The following HMCN1 variants were observed in gnomAD, a reference collection of about 807,000 sequenced individuals.
HMCN1 encodes hemicentin-1.
A neutral mutation model predicts 625.9 loss-of-function variants in HMCN1; 321 were observed. That is an observed-to-expected ratio of 0.51 (90% CI 0.47 to 0.56). The LOEUF is 0.56. Among genes scored for constraint, HMCN1 ranks in the 20% least tolerant of loss-of-function variants. HMCN1 has a pLI of 0.00. For synonymous variants in HMCN1, 2,425 were observed against 2,417.6 expected (o/e 1.00, Z -0.09); for missense variants, 6,588 against 6,887.3 (o/e 0.96, Z 1.54).
At chr1:186,069,553 C>T (rs1658356353) in intron 50 of HMCN1, 110 bp from the exon 51 acceptor site, 6 of 733,578 alleles carry the variant, frequency 8.2e-6, no homozygotes. Context: ...ACAGAATTGT[C>T]ATATGTAAAA....
chr1:186,086,911 C>G (rs1558211168), intron 58 of HMCN1, among the ~76,000 whole-genome samples: 1 of 152,024 alleles, frequency 6.6e-6, no homozygotes, highest in Non-Finnish European at 1.5e-5. Context: ...CCAGAAAACA[C>G]TTAATATATT....
intron 13 of HMCN1, among the ~76,000 whole-genome samples, chr1:185,965,063 T>G: frequency 6.6e-6 from 1 of 152,256 alleles, no homozygotes; most frequent in South Asian, 2.1e-4. Context: ...TGTGAGAAGT[T>G]AACTTAGCTT....
chr1:186,137,028 G>T, intron 87 of HMCN1, 91 bp downstream of exon 87: 5 of 1,442,192 alleles, frequency 3.5e-6, no homozygotes, highest in East Asian at 2.3e-5. Flanking sequence ...CAAGTCTCCT[G>T]TCACCTTAAC....
chr1:185,974,859 T>C (rs139322542), intron 15 of HMCN1, among the ~76,000 whole-genome samples: 3 of 152,290 alleles, frequency 2.0e-5, no homozygotes, highest in African/African-American at 7.2e-5. Flanking sequence ...TGACTTCTCC[T>C]GTCTTAATTG....
chr1:186,049,985 C>G (rs1344018298), intron 42 of HMCN1, among the ~76,000 whole-genome samples: 2 of 151,504 alleles, frequency 1.3e-5, no homozygotes, highest in African/African-American at 4.8e-5. Flanking sequence ...AACTTCTGTT[C>G]CTGCCTCTTT....
At chr1:185,870,096 A>G (rs1663518016) in intron 4 of HMCN1, among the ~76,000 whole-genome samples, 2 of 151,974 alleles carry the variant, frequency 1.3e-5, no homozygotes. Flanking sequence ...TTAACATAAA[A>G]GGGAAACCAA....
chr1:185,812,262 G>A (rs1659569577), intron 1 of HMCN1, among the ~76,000 whole-genome samples: 1 of 151,702 alleles, frequency 6.6e-6, no homozygotes, highest in Admixed American at 6.6e-5. Flanking sequence ...CTAAAACATT[G>A]ATTTTAGTGT....
chr1:186,045,564 A>G, intron 40 of HMCN1, 124 bp from the exon 41 acceptor site: 1 of 758,204 alleles, frequency 1.3e-6, no homozygotes, highest in Non-Finnish European at 2.3e-6. Context: ...TGATGTTAGA[A>G]TGATTGTGAT....
intron 6 of HMCN1, among the ~76,000 whole-genome samples, chr1:185,915,030 A>G (rs1666623927): frequency 3.3e-5 from 5 of 152,090 alleles, no homozygotes; most frequent in Admixed American, 2.6e-4. Flanking sequence ...ATTTAAAATG[A>G]TAAGAGAGTG....
At chr1:185,934,870 A>T (rs1667733307) in intron 11 of HMCN1, among the ~76,000 whole-genome samples, 1 of 152,182 alleles carries the variant, frequency 6.6e-6, no homozygotes, top group South Asian at 2.1e-4. Context: ...AAGCGAAACT[A>T]CCATGAGAAT....
chr1:185,823,055 G>A (rs1289101837), intron 1 of HMCN1, among the ~76,000 whole-genome samples: 1 of 151,698 alleles, frequency 6.6e-6, no homozygotes, highest in East Asian at 1.9e-4. Flanking sequence ...AGTTATATGG[G>A]ATATTTTACA....
chr1:185,879,950 G>A (rs1393074457), intron 4 of HMCN1, among the ~76,000 whole-genome samples: 1 of 152,190 alleles, frequency 6.6e-6, no homozygotes, highest in Non-Finnish European at 1.5e-5. Flanking sequence ...TGAGGAAATA[G>A]TGGTGAGGCA....
chr1:185,852,890 A>T (rs1662248830), intron 2 of HMCN1, among the ~76,000 whole-genome samples: 1 of 152,056 alleles, frequency 6.6e-6, no homozygotes, highest in Non-Finnish European at 1.5e-5. Context: ...TTCTCAATTT[A>T]TACTCACATA....
intron 28 of HMCN1, 144 bp downstream of exon 28, chr1:186,001,885 T>C (rs1303165459): frequency 2.7e-6 from 2 of 740,272 alleles, no homozygotes; most frequent in Non-Finnish European, 4.4e-6. Flanking sequence ...CCTTATTATT[T>C]GTTAACCAGA....
In HMCN1 at chr1:186,106,058, A is replaced by G. The variant is rs139029511; in HGVS notation, c.10771-826A>G. 3.0e-3 allele frequency among the ~76,000 whole-genome samples: 460 copies of G among 152,342 alleles called. 2 individuals are homozygous for G. The highest frequency in any genetic ancestry group is 3.7e-3 in the Non-Finnish European group (251 of 68,024). On this transcript the variant is annotated intron_variant, in intron 69 of 106. Transcript: ENST00000271588. ...GAAAGGAGTTTTTGCAGCCTACCAA[A>G]AAGTGTTTCCATAACCTCTAAAGTC...
rs1257296287 is a variant in HMCN1 at position 186,166,959 on chromosome 1, CT to C, written c.15574+21del. On this transcript the variant is annotated intron_variant, in intron 100 of 106. Transcript: ENST00000271588. ...GTTGTCAAGGTATAAAAATGGAGGC[CT>C]TTTCTTTATGTTCATGACAGTAAGA... The C allele has an allele frequency of 1.9e-6, 3 of 1,613,954 alleles. No individual in the cohort carries two copies. The highest frequency in any genetic ancestry group is 2.5e-6 in the Non-Finnish European group (3 of 1,179,916).
chr1:186,018,228 G>T lies in HMCN1; in HGVS notation c.5346G>T (p.Lys1782Asn), dbSNP rs755741155. ...GQLIDERDGF[K>N]ILLNGRKLVI... ...TAATTGATGAAAGGGATGGATTCAA[G>T]ATTTTATTAAATGGACGCAAACTGG... Residue 1782 changes from lysine (K) to asparagine (N), a missense_variant, in exon 34 of 107, where the codon AAG becomes AAT. Lys to Asn is a moderately conservative substitution (Grantham distance 94). Around this residue, in one of 3 missense-constraint regions of HMCN1, gnomAD observed 4,628 missense variants for 4,853.1 expected, o/e 0.95. Coordinates refer to ENST00000271588, the MANE Select transcript of HMCN1 (RefSeq NM_031935.3). 1.2e-6 allele frequency: 2 copies of T among 1,612,858 alleles called. No individual in the cohort carries two copies. Among genetic ancestry groups the T allele is most frequent in the Non-Finnish European group, 1.7e-6 (2 of 1,179,102 alleles).
At chr1:185,923,306 T>C in intron 7 of HMCN1, 84 bp from the exon 8 acceptor site, 1 of 1,061,986 alleles carries the variant, frequency 9.4e-7, no homozygotes, top group Admixed American at 1.9e-5. Context: ...GGTACTCATA[T>C]ATTATTATCA....
In HMCN1 at chr1:186,190,732, A is replaced by AAAT. The variant is rs1319784410; in HGVS notation, c.*855_*857dup. The AAAT allele has an allele frequency of 5.1e-6, 1 of 196,328 alleles. No homozygotes were observed. Among genetic ancestry groups the AAAT allele is most frequent in the East Asian group, 8.0e-5 (1 of 12,524 alleles). The allele number at this position is 196,328 out of a possible 1,614,324, so 12.2% of individuals were successfully genotyped here. ...GGTTTTTTAAAAATCTCATGTGTTC[A>AAAT]AATTAACATAAATATTACACGTCAA... On this transcript the variant is annotated 3_prime_UTR_variant, in exon 107 of 107. Transcript: ENST00000271588.
Sources: gnomAD v4.1 joint callset for allele counts (sites outside exome capture counted in the v4.1 genomes callset) on GRCh38, gnomAD v4.1.1 for gene constraint, gnomAD v4.1.1 regional missense constraint, MANE v1.5 for transcripts, NCBI Gene and HGNC (gene_info 2026-07-23, HGNC 2026-07-21) for gene names.